The following AGBL1 variants were observed in gnomAD, a reference collection of about 807,000 sequenced individuals.
AGBL1 encodes AGBL carboxypeptidase 1.
AGBL1 carries 130 observed loss-of-function variants against 118.9 expected under a neutral mutation model. That is an observed-to-expected ratio of 1.09 (90% confidence interval 0.95 to 1.26). The LOEUF is 1.26. AGBL1 is among the 50% of genes most tolerant of loss of function. AGBL1 has a pLI of 0.00. For missense variants in AGBL1, 1,584 were observed against 1,298.1 expected (o/e 1.22, Z -3.38); for synonymous variants, 555 against 478.9 (o/e 1.16, Z -2.08).
chr15:86,826,342 A>T (rs1268784823), intron 22 of AGBL1, among the ~76,000 whole-genome samples: 1 of 152,156 alleles, frequency 6.6e-6, no homozygotes, highest in African/African-American at 2.4e-5. Context: ...CGAGGGATGC[A>T]GTGTCTGCCA....
intron 23 of AGBL1, among the ~76,000 whole-genome samples, chr15:86,943,641 T>C (rs1253333907): frequency 1.3e-5 from 2 of 152,218 alleles, no homozygotes; most frequent in East Asian, 3.9e-4. Flanking sequence ...TGTTGCCTGC[T>C]TTTTTACTGC....
chr15:86,300,786 C>T (rs373359557), intron 17 of AGBL1, among the ~76,000 whole-genome samples: 1 of 152,078 alleles, frequency 6.6e-6, no homozygotes, highest in Non-Finnish European at 1.5e-5. Flanking sequence ...TTTTCTTTTT[C>T]TTAAAAATAT....
intron 21 of AGBL1, among the ~76,000 whole-genome samples, chr15:86,620,284 T>C (rs2084785447): frequency 6.6e-6 from 1 of 152,212 alleles, no homozygotes. Flanking sequence ...CTTACATGTT[T>C]ACATTTATAT....
At chr15:86,940,789 A>C (rs2080741255) in intron 23 of AGBL1, among the ~76,000 whole-genome samples, 1 of 152,210 alleles carries the variant, frequency 6.6e-6, no homozygotes, top group African/African-American at 2.4e-5. Context: ...AACCTGAAGT[A>C]ACTTGATGTT....
chr15:86,724,335 G>C (rs892096640), intron 22 of AGBL1, among the ~76,000 whole-genome samples: 6 of 151,580 alleles, frequency 4.0e-5, no homozygotes, highest in African/African-American at 1.5e-4. Context: ...CCAAGGAATA[G>C]AGGGGCCAGA....
intron 22 of AGBL1, among the ~76,000 whole-genome samples, chr15:86,697,393 C>G (rs2086280917): frequency 6.6e-6 from 1 of 151,738 alleles, no homozygotes; most frequent in African/African-American, 2.4e-5. Flanking sequence ...ATTGCTGAGA[C>G]TTTCCTGTAC....
At chr15:86,269,076 T>A (rs1340023741) in intron 13 of AGBL1, among the ~76,000 whole-genome samples, 1 of 152,154 alleles carries the variant, frequency 6.6e-6, no homozygotes, top group African/African-American at 2.4e-5. Context: ...GGGGAGAGGA[T>A]CCCTGAGGGC....
chr15:86,769,176 G>GAGAGAGAGAGAGAGAAAGAGGGA (rs1555448306), intron 22 of AGBL1, among the ~76,000 whole-genome samples: 1 of 66,618 alleles, frequency 1.5e-5, no homozygotes, highest in Admixed American at 1.5e-4. Flanking sequence ...ATTTTGAGAG[G>GAGAGAGAGAGAGAGAAAGAGGGA]GAGAGAGAGA....
intron 22 of AGBL1, among the ~76,000 whole-genome samples, chr15:86,849,494 G>A (rs1326762559): frequency 6.7e-6 from 1 of 150,078 alleles, no homozygotes; most frequent in Non-Finnish European, 1.5e-5. Flanking sequence ...TGAAAATAAG[G>A]TGATGGCTTT....
At chr15:86,541,002 G>C (rs2083487672) in intron 19 of AGBL1, among the ~76,000 whole-genome samples, 1 of 152,182 alleles carries the variant, frequency 6.6e-6, no homozygotes, top group African/African-American at 2.4e-5. Context: ...AGTATTTAAG[G>C]AGTGCCTATC....
At chr15:86,850,060 G>A (rs2079383456) in intron 22 of AGBL1, among the ~76,000 whole-genome samples, 1 of 152,302 alleles carries the variant, frequency 6.6e-6, no homozygotes, top group East Asian at 1.9e-4. Flanking sequence ...AGTCACCTAT[G>A]TGCTGGTGTG....
chr15:86,847,716 T>C (rs765816786), intron 22 of AGBL1, among the ~76,000 whole-genome samples: 2 of 152,194 alleles, frequency 1.3e-5, no homozygotes, highest in Non-Finnish European at 2.9e-5. Flanking sequence ...CTCCAGATTT[T>C]ATTTTTTGCA....
chr15:86,256,957 T>C lies in AGBL1; in HGVS notation c.840T>C (p.Ser280=), dbSNP rs748326793. 2.5e-6 allele frequency: 4 copies of C among 1,613,960 alleles called. No individual in the cohort carries two copies. The highest frequency in any genetic ancestry group is 3.4e-6 in the Non-Finnish European group (4 of 1,179,874). ...CACTTCCCTTGGTCACAGCCAGCAG[T>C]GCCTATGCCTTCCCGGTCCCCGGGT... is the stretch of plus-strand genomic sequence containing the variant. ...TSPLPLVTAS[S]AYAFPVPGCI... is the part of the protein sequence containing the mutation. The change falls in exon 8 of 23, where the codon AGT becomes AGC. Residue 280 remains serine (S), a synonymous_variant. Coordinates refer to ENST00000614907, the MANE Select transcript of AGBL1 (RefSeq NM_001386094.1).
chr15:86,785,360 C>CTTT lies in AGBL1; in HGVS notation c.3158+110940_3158+110942dup, dbSNP rs891818403. On this transcript the variant is annotated intron_variant, in intron 22 of 22. Coordinates refer to ENST00000614907, the MANE Select transcript of AGBL1 (RefSeq NM_001386094.1). ...GAAGAGGCACAGAGATCTGCGGGTT[C>CTTT]TTTTTTTTTTTTTTTTTTGTTTTTG... Among the ~76,000 whole-genome samples the CTTT allele has an allele frequency of 6.9e-3, 683 of 98,864 alleles. 3 individuals carry two copies. Among genetic ancestry groups the CTTT allele is most frequent in the Non-Finnish European group, 9.3e-3 (441 of 47,572 alleles). 64.9% of individuals were successfully genotyped at this position (98,864 alleles called of 152,430 possible).
At chr15:86,689,250 TG>T (rs2086118493) in intron 22 of AGBL1, among the ~76,000 whole-genome samples, 1 of 152,132 alleles carries the variant, frequency 6.6e-6, no homozygotes, top group Admixed American at 6.6e-5. Context: ...TCAGCTTAAA[TG>T]TCATAATCTC....
At chr15:86,454,430 A>G (rs1173906043) in intron 18 of AGBL1, among the ~76,000 whole-genome samples, 1 of 152,204 alleles carries the variant, frequency 6.6e-6, no homozygotes, top group Non-Finnish European at 1.5e-5. Context: ...CAAGAGCAAT[A>G]AAAACATGTC....
intron 5 of AGBL1, among the ~76,000 whole-genome samples, chr15:86,207,100 T>C (rs1718982211): frequency 6.6e-6 from 1 of 152,242 alleles, no homozygotes; most frequent in African/African-American, 2.4e-5. Flanking sequence ...TTGTCAGGTT[T>C]GTCAAAGATC....
chr15:86,107,066 A>G (rs1299258256), intron 1 of AGBL1, among the ~76,000 whole-genome samples: 1 of 152,244 alleles, frequency 6.6e-6, no homozygotes, highest in Non-Finnish European at 1.5e-5. Context: ...AAAGTAGATT[A>G]AAAACAGAAC....
chr15:86,729,374 C>T (rs1204702078), intron 22 of AGBL1, among the ~76,000 whole-genome samples: 2 of 152,148 alleles, frequency 1.3e-5, no homozygotes, highest in African/African-American at 2.4e-5. Context: ...TAAGAATGAT[C>T]CTGTCACTCA....
Sources: gnomAD v4.1 joint callset for allele counts (sites outside exome capture counted in the v4.1 genomes callset) on GRCh38, gnomAD v4.1.1 for gene constraint, MANE v1.5 for transcripts, NCBI Gene and HGNC (gene_info 2026-07-23, HGNC 2026-07-21) for gene names.